The following CAND2 variants were observed in gnomAD, a reference collection of about 807,000 sequenced individuals.
The protein encoded by CAND2 is cullin associated and neddylation dissociated 2 (putative), also known as cullin-associated NEDD8-dissociated protein 2.
Under a neutral mutation model 98.9 loss-of-function variants are expected in CAND2, and 62 were observed. The observed-to-expected ratio is 0.63, with a 90% CI of 0.51 to 0.77. The LOEUF (loss-of-function observed/expected upper bound fraction) is 0.77. Among genes scored for constraint, CAND2 ranks in the 30% least tolerant of loss-of-function variants. The probability of loss-of-function intolerance (pLI) is 0.00; values close to 1 mark genes in which losing one functional copy is unlikely to be tolerated. For synonymous variants in CAND2, 770 were observed against 731.9 expected (o/e 1.05, Z -0.84); for missense variants, 1,501 against 1,655.2 (o/e 0.91, Z 1.62).
intron 4 of CAND2, among the ~76,000 whole-genome samples, chr3:12,808,789 C>G (rs1286471579): frequency 1.3e-5 from 2 of 152,134 alleles, no homozygotes; most frequent in African/African-American, 4.8e-5. Context: ...CAGGACTTAG[C>G]TGAGTTTGGG....
Position 12,815,544 on chromosome 3 carries a change from G to A in CAND2, c.1299+111G>A. On this transcript the variant is annotated intron_variant, in intron 8 of 14. Coordinates refer to ENST00000456430, the MANE Select transcript of CAND2 (RefSeq NM_001162499.2). This position sits in a 1 kb window ranked among gnomAD's most constrained non-coding sequence, Gnocchi z 5.7. Reference sequence around the variant, plus strand: ...TGGGAGAACATCCAGCCATGGAAGGGAAGGGAAGGGGTCCCTGGGGTGGGG... The same window carrying A: ...TGGGAGAACATCCAGCCATGGAAGGAAAGGGAAGGGGTCCCTGGGGTGGGG... 3.4e-6 allele frequency: 4 copies of A among 1,160,888 alleles called. No individual in the cohort carries two copies. The South Asian group carries it at 6.2e-5, about 18-fold the overall frequency. 71.9% of individuals were successfully genotyped at this position (1,160,888 alleles called of 1,614,324 possible). A position where few individuals can be genotyped will look rare whatever the true frequency, so the allele number is the denominator to read the frequency against.
chr3:12,813,494 G>C, intron 7 of CAND2, 106 bp downstream of exon 7: 9 of 1,154,070 alleles, frequency 7.8e-6, no homozygotes, highest in Non-Finnish European at 1.1e-5. Flanking sequence ...CTGTCCTGAT[G>C]CCAGCTCTTT....
rs201715663 is a variant in CAND2 at position 12,817,348 on chromosome 3, C to A, written c.2416C>A (p.Arg806=). 12 of 1,613,780 alleles carry A rather than the reference C, an allele frequency of 7.4e-6. No homozygotes were observed. Among genetic ancestry groups the A allele is most frequent in the Non-Finnish European group, 1.0e-5 (12 of 1,180,042 alleles). The part of the protein sequence containing the change: ...LHKQVFHSLA[R]CVAALSAACP... ...CAAGCAGGTGTTCCACTCATTGGCC[C>A]GGTGTGTGGCAGCCCTCTCAGCTGC... Residue 806 remains arginine (R), a synonymous_variant, in exon 10 of 15, where the codon CGG becomes AGG. Transcript: ENST00000456430.
At chr3:12,824,663 C>G (rs1197991381) in intron 11 of CAND2, among the ~76,000 whole-genome samples, 1 of 152,158 alleles carries the variant, frequency 6.6e-6, no homozygotes. Flanking sequence ...AATCTCGGCA[C>G]TGTGGGTGGC....
rs1188073544 is a variant in CAND2, at chr3:12,817,085, T to C, written c.2153T>C (p.Leu718Pro). The change falls in exon 10 of 15, where the codon CTT becomes CCT. Residue 718 changes from leucine to proline, a missense_variant. Leu to Pro is a moderately conservative substitution (Grantham distance 98, BLOSUM62 -3). Around this residue, in one of 3 missense-constraint regions of CAND2, gnomAD observed 1,427 missense variants for 1,545.3 expected, o/e 0.92. Coordinates refer to ENST00000456430, the MANE Select transcript of CAND2 (RefSeq NM_001162499.2). The stretch of plus-strand genomic sequence containing the variant: ...GTGGCCCAGCTGGCTGTGGACTTCC[T>C]TGCCACAGTGACCCAGGCCCAGCCA... ...MHVAQLAVDF[L>P]ATVTQAQPAS... The C allele has an allele frequency of 6.2e-7, 1 of 1,612,966 alleles. No homozygotes were observed. The highest frequency in any genetic ancestry group is 1.7e-5 in the Admixed American group (1 of 60,028).
At chr3:12,823,887 A>G (rs2061979358) in intron 11 of CAND2, among the ~76,000 whole-genome samples, 1 of 152,278 alleles carries the variant, frequency 6.6e-6, no homozygotes, top group Admixed American at 6.5e-5. Context: ...ACAGAGCGAG[A>G]CTGTCTTTTG....
chr3:12,803,418 C>T, intron 1 of CAND2, 70 bp from the exon 2 acceptor site: 1 of 1,454,688 alleles, frequency 6.9e-7, no homozygotes, highest in Non-Finnish European at 9.2e-7. Flanking sequence ...CTAGGGGAAC[C>T]CTGAGGTACT....
intron 13 of CAND2, among the ~76,000 whole-genome samples, chr3:12,828,496 C>T (rs758756769): frequency 4.6e-5 from 7 of 152,030 alleles, no homozygotes; most frequent in African/African-American, 1.5e-4. Context: ...CACCACCACA[C>T]TCAGCTAAAT....
In CAND2 at chr3:12,820,181, G is replaced by A. The variant is rs199940897; in HGVS notation, c.3040G>A (p.Gly1014Arg). 301 of 1,611,690 alleles carry A rather than the reference G, an allele frequency of 1.9e-4. No homozygotes were observed. Among genetic ancestry groups the A allele is most frequent in the East Asian group, 8.5e-4 (38 of 44,850 alleles). The stretch of plus-strand genomic sequence containing the variant: ...TGACCCCCTCCTGAAGAGCTTCATC[G>A]GTGAGCACCTACCTCTTGCCCCTCC... ...PIDPLLKSFI[G>R]EFMESLQDPD... Residue 1014 changes from glycine (G) to arginine (R), a missense_variant and splice_region_variant, in exon 11 of 15, where the codon GGA (glycine) becomes AGA (arginine). Physicochemically the swap from Gly to Arg is moderately radical, Grantham distance 125. Around this residue, in one of 3 missense-constraint regions of CAND2, gnomAD observed 1,427 missense variants for 1,545.3 expected, o/e 0.92. Coordinates refer to ENST00000456430, the MANE Select transcript of CAND2 (RefSeq NM_001162499.2).
chr3:12,824,860 A>G (rs141989930), intron 11 of CAND2, among the ~76,000 whole-genome samples: 2 of 151,810 alleles, frequency 1.3e-5, no homozygotes, highest in Non-Finnish European at 2.9e-5. Context: ...GTGTGCCGAG[A>G]TCACACCACT....
chr3:12,807,704 G>GGTGGTTTTTCCTCAC (rs1449156521), intron 3 of CAND2, among the ~76,000 whole-genome samples: 2 of 152,130 alleles, frequency 1.3e-5, no homozygotes, highest in African/African-American at 4.8e-5. Flanking sequence ...AGAAATCAGG[G>GGTGGTTTTTCCTCAC]GTGGTTTTTC....
rs547445236 is a variant in CAND2 at position 12,828,658 on chromosome 3, A to G, written c.3375+1054A>G. ...CGCCAGGCTCCATCTTCACTATTTTAAAGTGCACAGCACAGTGGCAGTAAG... is the reference window on the plus strand; with the variant it reads ...CGCCAGGCTCCATCTTCACTATTTTGAAGTGCACAGCACAGTGGCAGTAAG... On this transcript the variant is annotated intron_variant, in intron 13 of 14. Coordinates refer to ENST00000456430, the MANE Select transcript of CAND2 (RefSeq NM_001162499.2). Among the ~76,000 whole-genome samples, 104 of 152,260 alleles carry G rather than the reference A, an allele frequency of 6.8e-4. 1 individual carries two copies. The highest frequency in any genetic ancestry group is 2.3e-3 in the African/African-American group (97 of 41,548).
At chr3:12,802,281 C>T (rs1334089291) in intron 1 of CAND2, among the ~76,000 whole-genome samples, 2 of 152,182 alleles carry the variant, frequency 1.3e-5, no homozygotes, top group South Asian at 2.1e-4. Flanking sequence ...GAGCTGAGAT[C>T]GTGCCACTGC....
chr3:12,805,640 A>C (rs1476815794), intron 2 of CAND2, among the ~76,000 whole-genome samples: 2 of 152,220 alleles, frequency 1.3e-5, no homozygotes, highest in Non-Finnish European at 2.9e-5. Flanking sequence ...CAGAAAACAA[A>C]GTAGAATTTT....
At chr3:12,817,959 G>A in intron 10 of CAND2, 83 bp downstream of exon 10, 1 of 1,304,772 alleles carries the variant, frequency 7.7e-7, no homozygotes, top group Non-Finnish European at 1.0e-6. Context: ...GGGGCAGAGT[G>A]AGCTATTTCA....
At chr3:12,827,804 G>A (rs918106092) in intron 13 of CAND2, among the ~76,000 whole-genome samples, 200 bp downstream of exon 13, 1 of 152,052 alleles carries the variant, frequency 6.6e-6, no homozygotes, top group Non-Finnish European at 1.5e-5. Context: ...CTCTTTGGAG[G>A]ATGGTTTCAC....
intron 1 of CAND2, among the ~76,000 whole-genome samples, chr3:12,797,269 C>G (rs765186287): frequency 3.1e-4 from 47 of 151,286 alleles, no homozygotes; most frequent in Non-Finnish European, 1.9e-4. Flanking sequence ...TGAACCCGGA[C>G]CCTTCCCGGG....
At chr3:12,831,352 G>C in intron 13 of CAND2, 113 bp from the exon 14 acceptor site, 1 of 789,886 alleles carries the variant, frequency 1.3e-6, no homozygotes, top group Non-Finnish European at 2.2e-6. Context: ...CTTCACGGTG[G>C]TCTGAACTTG....
intron 13 of CAND2, among the ~76,000 whole-genome samples, chr3:12,829,343 C>T (rs1289009335): frequency 2.1e-4 from 32 of 152,052 alleles, no homozygotes; most frequent in African/African-American, 6.0e-4. Context: ...GACAGGGTTT[C>T]GCCATGTTGG....
Sources: gnomAD v4.1 joint callset for allele counts (sites outside exome capture counted in the v4.1 genomes callset) on GRCh38, gnomAD v4.1.1 for gene constraint, gnomAD v4.1.1 regional missense constraint, Gnocchi (gnomAD v3.1) non-coding constraint, MANE v1.5 for transcripts, NCBI Gene and HGNC (gene_info 2026-07-23, HGNC 2026-07-21) for gene names.